AKAP19: variants seen among roughly 807,000 people sequenced by gnomAD.
AKAP19 encodes A-kinase anchoring protein 19, also known as small A-kinase anchoring protein.
At chr2:189,969,861 T>C in the AKAP19 span, among the ~76,000 whole-genome samples, 3 of 141,988 alleles carry the variant, frequency 2.1e-5, no homozygotes. Flanking sequence ...TTTCACTTTC[T>C]TCTTCTTCTT....
At chr2:190,102,088 T>C in the AKAP19 span, among the ~76,000 whole-genome samples, 7 of 152,112 alleles carry the variant, frequency 4.6e-5, no homozygotes, top group South Asian at 6.2e-4. Context: ...AACAGCTTGC[T>C]CCTGAGTGAC....
the AKAP19 span, among the ~76,000 whole-genome samples, chr2:190,078,464 A>G: frequency 0.014 from 2,146 of 152,324 alleles, 22 homozygotes; most frequent in Non-Finnish European, 0.021. Context: ...TAAGAAAAAA[A>G]TGGCTTTCTT....
chr2:190,102,341 G>A, the AKAP19 span, among the ~76,000 whole-genome samples: 1 of 151,756 alleles, frequency 6.6e-6, no homozygotes, highest in Non-Finnish European at 1.5e-5. Context: ...TAAAAAAAAA[G>A]AGTAGAACTG....
chr2:190,174,935 A>C, the AKAP19 span, among the ~76,000 whole-genome samples: 1 of 152,214 alleles, frequency 6.6e-6, no homozygotes, highest in Non-Finnish European at 1.5e-5. Context: ...ATCATGCCCA[A>C]CTCCACAAAC....
At chr2:190,060,341 T>C in the AKAP19 span, 8 of 1,612,702 alleles carry the variant, frequency 5.0e-6, no homozygotes, top group African/African-American at 1.3e-5. Context: ...AATATATCCA[T>C]AGTTGGGCCT....
the AKAP19 span, among the ~76,000 whole-genome samples, chr2:190,138,687 T>C: frequency 1.3e-5 from 2 of 152,200 alleles, no homozygotes; most frequent in Non-Finnish European, 1.5e-5. Context: ...TCTTTTAAAA[T>C]TGAAACCCCA....
the AKAP19 span, among the ~76,000 whole-genome samples, chr2:190,002,851 G>C: frequency 2.0e-5 from 3 of 152,062 alleles, no homozygotes; most frequent in African/African-American, 4.8e-5. Context: ...ATGTCACTTA[G>C]ATTTCTTGTA....
the AKAP19 span, among the ~76,000 whole-genome samples, chr2:190,178,315 C>T: frequency 1.3e-5 from 2 of 152,246 alleles, no homozygotes; most frequent in Admixed American, 1.3e-4. The surrounding 1 kb of genome is among the most constrained non-coding windows in gnomAD (Gnocchi z 6.3). Context: ...GCATGGCCTG[C>T]AGTCCTGAGG....
At chr2:190,007,056 C>T in the AKAP19 span, among the ~76,000 whole-genome samples, 1 of 152,124 alleles carries the variant, frequency 6.6e-6, no homozygotes, top group Non-Finnish European at 1.5e-5. Flanking sequence ...AGTAGGTCCT[C>T]TGAGCTAGGT....
the AKAP19 span, among the ~76,000 whole-genome samples, chr2:190,076,204 C>T: frequency 6.6e-6 from 1 of 151,560 alleles, no homozygotes; most frequent in Non-Finnish European, 1.5e-5. Flanking sequence ...AACATAAACA[C>T]TTTGGCATTT....
chr2:190,194,468 T>G, the AKAP19 span, among the ~76,000 whole-genome samples: 1 of 141,220 alleles, frequency 7.1e-6, no homozygotes, highest in African/African-American at 2.8e-5. Context: ...TTCCCACGTA[T>G]CCTGTGTATA....
At chr2:190,039,599 G>A in the AKAP19 span, among the ~76,000 whole-genome samples, 1 of 151,922 alleles carries the variant, frequency 6.6e-6, no homozygotes, top group African/African-American at 2.4e-5. Flanking sequence ...GGGGGTTGTT[G>A]TACATATTAT....
the AKAP19 span, among the ~76,000 whole-genome samples, chr2:190,058,901 G>A: frequency 6.6e-6 from 1 of 151,824 alleles, no homozygotes; most frequent in African/African-American, 2.4e-5. Flanking sequence ...GGAGTGATGG[G>A]TGCACTAAAA....
the AKAP19 span, among the ~76,000 whole-genome samples, chr2:189,980,903 A>G: frequency 2.6e-5 from 4 of 152,092 alleles, no homozygotes; most frequent in African/African-American, 7.2e-5. Context: ...TATGATTTGG[A>G]TATTTTTGAA....
At chr2:189,960,124 C>T in the AKAP19 span, among the ~76,000 whole-genome samples, 3,533 of 152,204 alleles carry the variant, frequency 0.023, 58 homozygotes, top group Non-Finnish European at 0.034. Flanking sequence ...TTACATATCA[C>T]GTGTTTGATC....
the AKAP19 span, among the ~76,000 whole-genome samples, chr2:189,994,040 C>T: frequency 4.9e-5 from 7 of 144,000 alleles, no homozygotes; most frequent in African/African-American, 1.5e-4. Flanking sequence ...GAGTTGGAGT[C>T]TTGCTCTGTT....
At chr2:190,064,271 A>T in the AKAP19 span, among the ~76,000 whole-genome samples, 1 of 152,088 alleles carries the variant, frequency 6.6e-6, no homozygotes, top group African/African-American at 2.4e-5. Flanking sequence ...AGGATTTCAG[A>T]TACTCTTTGT....
At chr2:189,918,689 A>T in the AKAP19 span, among the ~76,000 whole-genome samples, 1 of 152,202 alleles carries the variant, frequency 6.6e-6, no homozygotes, top group African/African-American at 2.4e-5. Context: ...ATGGTAGTCA[A>T]ATATATAGTT....
the AKAP19 span, among the ~76,000 whole-genome samples, chr2:189,913,766 C>T: frequency 1.3e-5 from 2 of 151,938 alleles, no homozygotes; most frequent in Non-Finnish European, 2.9e-5. Context: ...CTAAAGAAAC[C>T]CTGTTCAAAT....
Sources: gnomAD v4.1 joint callset for allele counts (sites outside exome capture counted in the v4.1 genomes callset) on GRCh38, gnomAD v4.1.1 for gene constraint, Gnocchi (gnomAD v3.1) non-coding constraint, MANE v1.5 for transcripts, NCBI Gene and HGNC (gene_info 2026-07-23, HGNC 2026-07-21) for gene names.